The following ALG9 variants were observed in gnomAD, a reference collection of about 807,000 sequenced individuals.
ALG9 encodes ALG9 alpha-1,2-mannosyltransferase, also known as alpha-1,2-mannosyltransferase ALG9.
Under a neutral mutation model 81.8 loss-of-function variants are expected in ALG9, and 55 were observed. The observed-to-expected ratio is 0.67, with a 90% CI of 0.54 to 0.84. The LOEUF (loss-of-function observed/expected upper bound fraction) is 0.84, where lower values mean the gene tolerates loss of function less well. ALG9 is among the 40% of genes least tolerant of loss of function. The probability of loss-of-function intolerance (pLI) is 0.00; values close to 1 mark genes in which losing one functional copy is unlikely to be tolerated. For synonymous variants in ALG9, 278 were observed against 274.3 expected (o/e 1.01, Z -0.13); for missense variants, 629 against 745.0 (o/e 0.84, Z 1.81).
chr11:111,768,203 G>C, the ALG9 span, among the ~76,000 whole-genome samples: 1 of 152,208 alleles, frequency 6.6e-6, no homozygotes, highest in Admixed American at 6.5e-5. Context: ...TCACTTGGTG[G>C]CATAGGCATG....
chr11:111,795,486 T>C (rs1295699155), intron 14 of ALG9, among the ~76,000 whole-genome samples: 2 of 152,200 alleles, frequency 1.3e-5, no homozygotes, highest in Non-Finnish European at 2.9e-5. Flanking sequence ...AATTGTATAA[T>C]GGCAATATAC....
At chr11:111,864,432 G>C in intron 4 of ALG9, 1 of 762,410 alleles carries the variant, frequency 1.3e-6, no homozygotes, top group East Asian at 2.5e-5. Flanking sequence ...AATCCCTTCA[G>C]ACCCCAGAAA....
the ALG9 span, among the ~76,000 whole-genome samples, chr11:111,771,899 G>T: frequency 1.3e-5 from 2 of 151,934 alleles, no homozygotes; most frequent in Non-Finnish European, 2.9e-5. Context: ...TTTCTTCATG[G>T]CAAATTTTTA....
intron 10 of ALG9, among the ~76,000 whole-genome samples, chr11:111,839,074 T>C (rs1955794787): frequency 6.6e-6 from 1 of 152,182 alleles, no homozygotes; most frequent in East Asian, 1.9e-4. Flanking sequence ...TCCTGAGGAA[T>C]CAATCTAAAT....
intron 13 of ALG9, among the ~76,000 whole-genome samples, chr11:111,811,113 C>T (rs566663744): frequency 2.0e-5 from 3 of 152,240 alleles, no homozygotes; most frequent in East Asian, 1.9e-4. Context: ...TTTAGACTTA[C>T]AGGATGTCAA....
chr11:111,781,863 C>G (rs753793963), downstream of ALG9, among the ~76,000 whole-genome samples: 1 of 152,192 alleles, frequency 6.6e-6, no homozygotes, highest in African/African-American at 2.4e-5. Flanking sequence ...TCAGGCTGGT[C>G]TCGAACTCCT....
chr11:111,858,801 A>G (rs1555145536), intron 5 of ALG9, among the ~76,000 whole-genome samples: 1 of 152,242 alleles, frequency 6.6e-6, no homozygotes, highest in African/African-American at 2.4e-5. Context: ...TAAACTCAGC[A>G]AAGGGTTCAG....
chr11:111,857,899 C>G, intron 5 of ALG9, 162 bp from the exon 6 acceptor site: 1 of 811,068 alleles, frequency 1.2e-6, no homozygotes, highest in South Asian at 1.6e-5. Context: ...AAGTGATATT[C>G]TTTTTTAAAA....
chr11:111,853,867 G>T, intron 6 of ALG9, 131 bp from the exon 7 acceptor site: 1 of 797,108 alleles, frequency 1.3e-6, no homozygotes, highest in Non-Finnish European at 2.2e-6. Context: ...AACCTGGTAT[G>T]TGAGAGGATG....
At position 111,786,316 on chromosome 11, in the gene ALG9, C is replaced by T. The variant is rs1946459511; in HGVS notation, c.*81G>A. On this transcript the variant is annotated 3_prime_UTR_variant, in exon 15 of 15. Transcript: ENST00000616540. ...CAGAAGACCTTTATTACAAATGTTA[C>T]AGGCGATGACTTGCAGGGAGTCAGG... 8 of 1,593,014 alleles carry T rather than the reference C, an allele frequency of 5.0e-6. No individual in the cohort carries two copies. The highest frequency in any genetic ancestry group is 6.9e-6 in the Non-Finnish European group (8 of 1,163,146).
chr11:111,806,963 C>G (rs1263920064), intron 14 of ALG9, among the ~76,000 whole-genome samples: 1 of 152,106 alleles, frequency 6.6e-6, no homozygotes, highest in African/African-American at 2.4e-5. Context: ...TTCTTTCACA[C>G]CTCAAATACA....
At chr11:111,848,812 C>T (rs78413195) in intron 8 of ALG9, among the ~76,000 whole-genome samples, 1,694 of 152,014 alleles carry the variant, frequency 0.011, 36 homozygotes, top group African/African-American at 0.039. Context: ...AGAAATGTAC[C>T]CCTCTTGCAT....
chr11:111,810,146 G>T (rs181224212), intron 13 of ALG9, among the ~76,000 whole-genome samples: 15 of 152,302 alleles, frequency 9.8e-5, no homozygotes, highest in Admixed American at 3.3e-4. Flanking sequence ...CAAAGGGCAT[G>T]ACTAAACACA....
chr11:111,823,687 T>C (rs374768709), intron 13 of ALG9, among the ~76,000 whole-genome samples: 1 of 152,204 alleles, frequency 6.6e-6, no homozygotes, highest in South Asian at 2.1e-4. Flanking sequence ...ATATAAAAAG[T>C]CTGACTTGGG....
intron 13 of ALG9, 107 bp downstream of exon 13, chr11:111,836,058 T>C (rs1490770407): frequency 2.0e-6 from 3 of 1,513,794 alleles, no homozygotes; most frequent in South Asian, 1.1e-5. Context: ...CTTAAAAAAA[T>C]TGCTTTCTAA....
At chr11:111,811,129 G>C (rs1362170854) in intron 13 of ALG9, among the ~76,000 whole-genome samples, 2 of 152,120 alleles carry the variant, frequency 1.3e-5, no homozygotes, top group Non-Finnish European at 2.9e-5. Flanking sequence ...GTCAATCAAT[G>C]TCATATGTTC....
At chr11:111,836,089 G>A in intron 13 of ALG9, 76 bp downstream of exon 13, 1 of 1,592,042 alleles carries the variant, frequency 6.3e-7, no homozygotes. Context: ...TTTTATCAAT[G>A]CTCTAATATA....
At chr11:111,839,016 CA>C (rs1955784628) in intron 10 of ALG9, among the ~76,000 whole-genome samples, 2 of 152,240 alleles carry the variant, frequency 1.3e-5, no homozygotes, top group East Asian at 3.9e-4. Context: ...CAATATATAA[CA>C]AATGGCATAA....
At chr11:111,860,736 A>C in intron 4 of ALG9, 101 bp from the exon 5 acceptor site, 2 of 863,990 alleles carry the variant, frequency 2.3e-6, no homozygotes, top group Admixed American at 4.8e-5. Flanking sequence ...GAAGATCTAA[A>C]GTCAAACACA....
Sources: gnomAD v4.1 joint callset for allele counts (sites outside exome capture counted in the v4.1 genomes callset) on GRCh38, gnomAD v4.1.1 for gene constraint, MANE v1.5 for transcripts, NCBI Gene and HGNC (gene_info 2026-07-23, HGNC 2026-07-21) for gene names.